CDKN2B-AS1: variants seen among roughly 807,000 people sequenced by gnomAD.
The protein encoded by CDKN2B-AS1 is CDKN2B and CDKN2A antisense cis and trans regulatory RNA 1.
At chr9:22,106,881 C>T (rs896180526) in intron 4 of CDKN2B-AS1, among the ~76,000 whole-genome samples, 3 of 152,176 alleles carry the variant, frequency 2.0e-5, no homozygotes, top group Non-Finnish European at 4.4e-5. Context: ...CTAATGTTAT[C>T]TCATTTTATA....
intron 4 of CDKN2B-AS1, among the ~76,000 whole-genome samples, chr9:22,101,657 C>A (rs1028465814): frequency 3.0e-5 from 4 of 132,614 alleles, no homozygotes; most frequent in Non-Finnish European, 6.3e-5. Context: ...GCAACCCTAA[C>A]CCTCTTCAAC....
At chr9:22,071,285 C>CTTGTTTTTTTTTTT (rs1824278311) in intron 4 of CDKN2B-AS1, among the ~76,000 whole-genome samples, 1 of 67,588 alleles carries the variant, frequency 1.5e-5, no homozygotes, top group African/African-American at 7.0e-5. Context: ...AAATATCTAG[C>CTTGTTTTTTTTTTT]TTTTTTTTTT....
chr9:22,008,621 C>A, intron 1 of CDKN2B-AS1: 3 of 1,565,082 alleles, frequency 1.9e-6, no homozygotes, highest in South Asian at 1.1e-5. Flanking sequence ...TTTTCAATGT[C>A]TCTCTTTAGG....
chr9:22,108,157 T>C (rs1299725145), intron 4 of CDKN2B-AS1, among the ~76,000 whole-genome samples: 1 of 152,200 alleles, frequency 6.6e-6, no homozygotes, highest in Non-Finnish European at 1.5e-5. Flanking sequence ...TATAATAGAA[T>C]TAATCTCTGA....
intron 4 of CDKN2B-AS1, chr9:22,061,866 T>G (rs1823835794): frequency 6.6e-6 from 1 of 152,134 alleles, no homozygotes; most frequent in Admixed American, 6.5e-5. Flanking sequence ...ATATATACAC[T>G]TATATATGTA....
intron 2 of CDKN2B-AS1, among the ~76,000 whole-genome samples, chr9:22,047,425 A>G (rs1188055285): frequency 6.6e-6 from 1 of 152,214 alleles, no homozygotes; most frequent in Non-Finnish European, 1.5e-5. Context: ...AGCATTAAAG[A>G]GGCACCCTTT....
In CDKN2B-AS1 at chr9:22,000,296, T is replaced by C. The variant is rs1430661718; in HGVS notation, n.29+5135T>C. On this transcript the variant is annotated intron_variant and non_coding_transcript_variant, in intron 1 of 4. Transcript: ENST00000650946. The surrounding 1 kb of genome is among the most constrained non-coding windows in gnomAD (Gnocchi z 4.1). ...ACACCATTCTTATAGACATAAGACATACTTGGGAGCAAATGTATAATAAAG... is the reference window on the plus strand; with the variant it reads ...ACACCATTCTTATAGACATAAGACACACTTGGGAGCAAATGTATAATAAAG... 6.6e-6 allele frequency among the ~76,000 whole-genome samples: 1 copy of C among 152,200 alleles called. No individual in the cohort carries two copies. Among genetic ancestry groups the C allele is most frequent in the African/African-American group, 2.4e-5 (1 of 41,462 alleles).
At chr9:22,072,583 A>G (rs1380034671) in intron 4 of CDKN2B-AS1, among the ~76,000 whole-genome samples, 1 of 152,210 alleles carries the variant, frequency 6.6e-6, no homozygotes, top group Admixed American at 6.5e-5. Flanking sequence ...TCTCCCTCTA[A>G]GGGTTGTACA....
chr9:22,105,595 C>G (rs1825631412), intron 4 of CDKN2B-AS1, among the ~76,000 whole-genome samples: 1 of 152,166 alleles, frequency 6.6e-6, no homozygotes, highest in Non-Finnish European at 1.5e-5. Flanking sequence ...AAGAGAGACT[C>G]AGGCAGATGC....
At chr9:22,008,816 G>C (rs1388836946) in intron 1 of CDKN2B-AS1, 1 of 1,605,814 alleles carries the variant, frequency 6.2e-7, no homozygotes, top group Non-Finnish European at 8.5e-7. Context: ...CGCGCCTCCC[G>C]AAACGGTTGA....
rs923147271 is a variant in CDKN2B-AS1 at position 22,000,839 on chromosome 9, G to A, written n.29+5678G>A. 3.9e-5 allele frequency among the ~76,000 whole-genome samples: 6 copies of A among 152,100 alleles called. No individual in the cohort carries two copies. The highest frequency in any genetic ancestry group is 3.3e-4 in the Admixed American group (5 of 15,272). ...TTATACTAAGAGAAGAGAGAAACCC[G>A]AAGAACAATGGATTATCCTTACATA... On this transcript the variant is annotated intron_variant and non_coding_transcript_variant, in intron 1 of 4. Transcript: ENST00000650946. The surrounding 1 kb of genome is among the most constrained non-coding windows in gnomAD (Gnocchi z 4.1).
chr9:22,079,859 C>T (rs990670683), intron 4 of CDKN2B-AS1, among the ~76,000 whole-genome samples: 4 of 152,196 alleles, frequency 2.6e-5, no homozygotes, highest in African/African-American at 7.2e-5. Flanking sequence ...TGTCACACTT[C>T]GTTGAAAACC....
At chr9:22,055,934 C>T (rs1823543171) in intron 3 of CDKN2B-AS1, among the ~76,000 whole-genome samples, 3 of 151,992 alleles carry the variant, frequency 2.0e-5, no homozygotes, top group East Asian at 1.9e-4. Context: ...TGGCATGCAA[C>T]GGGCTATCAG....
chr9:22,025,948 T>C (rs1216176412), intron 1 of CDKN2B-AS1, among the ~76,000 whole-genome samples: 1 of 151,646 alleles, frequency 6.6e-6, no homozygotes, highest in Non-Finnish European at 1.5e-5. Flanking sequence ...TAACAGCAAA[T>C]ATGGTGGGCT....
At chr9:22,125,865 A>G (rs887729063) in intron 4 of CDKN2B-AS1, among the ~76,000 whole-genome samples, 3 of 152,270 alleles carry the variant, frequency 2.0e-5, no homozygotes, top group Non-Finnish European at 4.4e-5. Flanking sequence ...AAAAAATAAA[A>G]TAGTTGATAT....
exon 5 of CDKN2B-AS1, among the ~76,000 whole-genome samples, chr9:22,127,535 T>A (rs577323392): frequency 2.6e-5 from 4 of 152,288 alleles, no homozygotes; most frequent in Admixed American, 2.0e-4. Context: ...GAAAAGATGG[T>A]CATTGTTTAA....
chr9:22,020,533 G>A (rs1821971766), intron 1 of CDKN2B-AS1, among the ~76,000 whole-genome samples: 1 of 152,040 alleles, frequency 6.6e-6, no homozygotes, highest in Non-Finnish European at 1.5e-5. Flanking sequence ...TACCTCAACA[G>A]CATCTGTTAT....
At chr9:22,021,455 T>C (rs913099443) in intron 1 of CDKN2B-AS1, among the ~76,000 whole-genome samples, 21 of 152,220 alleles carry the variant, frequency 1.4e-4, no homozygotes, top group African/African-American at 3.9e-4. Flanking sequence ...TTTCTAGTTC[T>C]ATGAAGAGAT....
intron 1 of CDKN2B-AS1, among the ~76,000 whole-genome samples, chr9:22,023,433 T>C (rs946588941): frequency 1.3e-5 from 2 of 152,126 alleles, no homozygotes; most frequent in African/African-American, 4.8e-5. Context: ...TACTTGTGAT[T>C]GCATTATGAA....
Sources: gnomAD v4.1 joint callset for allele counts (sites outside exome capture counted in the v4.1 genomes callset) on GRCh38, gnomAD v4.1.1 for gene constraint, Gnocchi (gnomAD v3.1) non-coding constraint, MANE v1.5 for transcripts, NCBI Gene and HGNC (gene_info 2026-07-23, HGNC 2026-07-21) for gene names.